ARNT: variants seen among roughly 807,000 people sequenced by gnomAD.
The protein encoded by ARNT is class E basic helix-loop-helix protein 2.
ARNT carries 30 observed loss-of-function variants against 105.0 expected under a neutral mutation model. That is an observed-to-expected ratio of 0.29 (90% CI 0.21 to 0.39). ARNT has a LOEUF of 0.39. Ranked by LOEUF, ARNT falls within the 10% of genes least tolerant of loss-of-function variation. The pLI is 1.00. For missense variants in ARNT, 748 were observed against 978.7 expected, an observed-to-expected ratio of 0.76 and a Z score of 3.15; for synonymous variants, 304 against 344.0, an observed-to-expected ratio of 0.88 and a Z score of 1.29.
intron 3 of ARNT, among the ~76,000 whole-genome samples, chr1:150,849,893 C>T (rs937060251): frequency 6.6e-6 from 1 of 151,934 alleles, no homozygotes; most frequent in Non-Finnish European, 1.5e-5. Context: ...GGTGAAACCC[C>T]GTCTCTACTA....
At chr1:150,871,449 T>C (rs1055744549) in intron 1 of ARNT, among the ~76,000 whole-genome samples, 10 of 150,780 alleles carry the variant, frequency 6.6e-5, no homozygotes, top group African/African-American at 2.2e-4. Flanking sequence ...TACAGGCACC[T>C]GCCACCATGC....
rs587653558 is a variant in ARNT, at chr1:150,827,362, C to T, written c.1168-745G>A. 3.7e-4 allele frequency among the ~76,000 whole-genome samples: 56 copies of T among 152,322 alleles called. 2 individuals are homozygous for T. The South Asian group carries it at 1.0e-2, about 27-fold the overall frequency. ...CCCACTCCAACTCCCCAGCCAACCACAAATCTGCTTTCTGCCTCTCTAGTT... is the reference window on the plus strand; with the variant it reads ...CCCACTCCAACTCCCCAGCCAACCATAAATCTGCTTTCTGCCTCTCTAGTT... On this transcript the variant is annotated intron_variant, in intron 12 of 21. Coordinates refer to ENST00000358595, the MANE Select transcript of ARNT (RefSeq NM_001668.4).
chr1:150,817,486 A>G, intron 15 of ARNT, 53 bp from the exon 16 acceptor site: 1 of 1,548,754 alleles, frequency 6.5e-7, no homozygotes, highest in Non-Finnish European at 8.9e-7. Flanking sequence ...ATTTTTTTTA[A>G]AAAAGAATCT....
intron 3 of ARNT, 38 bp from the exon 4 acceptor site, chr1:150,846,345 C>T: frequency 6.3e-7 from 1 of 1,596,596 alleles, no homozygotes; most frequent in South Asian, 1.1e-5. Context: ...AAGCATTACA[C>T]TTGTTATATC....
At position 150,851,142 on chromosome 1, in the gene ARNT, C is replaced by T. The variant is rs587765798; in HGVS notation, c.182+1620G>A. 2.8e-3 allele frequency among the ~76,000 whole-genome samples: 423 copies of T among 149,414 alleles called. 4 individuals carry two copies. The highest frequency in any genetic ancestry group is 0.01 in the African/African-American group (410 of 40,648). On this transcript the variant is annotated intron_variant, in intron 3 of 21. Transcript: ENST00000358595. ...ATCTCCGCCCGGCAGCCGCCCCGTC[C>T]GGGAGGTGGGGGGCAGCCCCCGCCT...
At position 150,811,455 on chromosome 1, in the gene ARNT, T is replaced by TGC. The variant is rs1404154940; in HGVS notation, c.*564_*565dup. 51 of 117,176 alleles carry TGC rather than the reference T, an allele frequency of 4.4e-4. No individual in the cohort carries two copies. Among genetic ancestry groups the TGC allele is most frequent in the African/African-American group, 2.8e-3 (46 of 16,544 alleles). The allele number at this position is 117,176 out of a possible 1,614,324, so 7.3% of individuals were successfully genotyped here. A position where few individuals can be genotyped will look rare whatever the true frequency, so the allele number is the denominator to read the frequency against. Reference sequence around the variant, plus strand: ...AAAGAGTGAAATACAGAAGCATGTGTGCGCACACACACACACACACACATA... The same window carrying TGC: ...AAAGAGTGAAATACAGAAGCATGTGTGCGCGCACACACACACACACACACATA... On this transcript the variant is annotated 3_prime_UTR_variant, in exon 22 of 22. Coordinates refer to ENST00000358595, the MANE Select transcript of ARNT (RefSeq NM_001668.4).
intron 5 of ARNT, among the ~76,000 whole-genome samples, chr1:150,841,826 G>A (rs1053668576): frequency 6.6e-6 from 1 of 152,172 alleles, no homozygotes; most frequent in African/African-American, 2.4e-5. Context: ...CCTAGTATCT[G>A]ACAGATTTCT....
chr1:150,871,997 C>T (rs1667540245), intron 1 of ARNT, among the ~76,000 whole-genome samples: 2 of 150,730 alleles, frequency 1.3e-5, no homozygotes. Flanking sequence ...CACTCCAACA[C>T]CCAGGCTGGA....
chr1:150,818,866 A>C (rs1656492249), intron 14 of ARNT, among the ~76,000 whole-genome samples: 1 of 152,160 alleles, frequency 6.6e-6, no homozygotes. Context: ...CCTTCAAACA[A>C]CTTAAATTTT....
intron 1 of ARNT, 32 bp from the exon 2 acceptor site, chr1:150,858,492 A>T: frequency 6.7e-7 from 1 of 1,490,508 alleles, no homozygotes; most frequent in Middle Eastern, 1.7e-4. Context: ...AAACATTTTT[A>T]AAAAGACAGT....
intron 12 of ARNT, 31 bp from the exon 13 acceptor site, chr1:150,826,648 AC>A: frequency 6.6e-7 from 1 of 1,516,966 alleles, no homozygotes; most frequent in Non-Finnish European, 9.0e-7. Flanking sequence ...TAAGATATAT[AC>A]TTTTTTTTTT....
At chr1:150,836,158 T>C (rs1425663663) in intron 7 of ARNT, 122 bp downstream of exon 7, 34 of 844,590 alleles carry the variant, frequency 4.0e-5, no homozygotes, top group Non-Finnish European at 4.9e-5. Flanking sequence ...TTCATTAAAG[T>C]AGAAAATTCT....
chr1:150,852,280 G>A (rs1247507152), intron 3 of ARNT, among the ~76,000 whole-genome samples: 1 of 152,140 alleles, frequency 6.6e-6, no homozygotes, highest in Non-Finnish European at 1.5e-5. Flanking sequence ...GGCTTGATAA[G>A]CACTTGCACA....
chr1:150,839,311 C>A lies in ARNT; in HGVS notation c.486+130G>T, dbSNP rs1300737577. 3 of 810,824 alleles carry A rather than the reference C, an allele frequency of 3.7e-6. 1 individual carries two copies. In the African/African-American group the frequency reaches 5.2e-5, roughly 14 times the overall value. 50.2% of individuals were successfully genotyped at this position (810,824 alleles called of 1,614,324 possible). On this transcript the variant is annotated intron_variant, in intron 6 of 21. Coordinates refer to ENST00000358595, the MANE Select transcript of ARNT (RefSeq NM_001668.4). ...GTCCCAATGCTAATTAATGTTATAG[C>A]CAAGGATTGAAATTCGTTTTCCCAT...
chr1:150,859,756 T>C (rs1262443137), intron 1 of ARNT, among the ~76,000 whole-genome samples: 1 of 152,172 alleles, frequency 6.6e-6, no homozygotes, highest in Admixed American at 6.5e-5. Flanking sequence ...ATGCCTGGAA[T>C]CCTAGAGCTT....
chr1:150,836,562 G>A (rs1660365625), intron 6 of ARNT, 69 bp from the exon 7 acceptor site: 1 of 1,475,068 alleles, frequency 6.8e-7, no homozygotes, highest in Admixed American at 2.0e-5. Context: ...TTCACAGGAA[G>A]AAGTAAGACA....
intron 1 of ARNT, among the ~76,000 whole-genome samples, chr1:150,876,327 C>G (rs1422845281): frequency 1.3e-5 from 2 of 152,192 alleles, no homozygotes; most frequent in African/African-American, 4.8e-5. Context: ...CCTCAACTCC[C>G]ACCTGCCCCC....
At chr1:150,858,612 CTTGAT>C in intron 1 of ARNT, 152 bp from the exon 2 acceptor site, 1 of 531,944 alleles carries the variant, frequency 1.9e-6, no homozygotes, top group Non-Finnish European at 3.2e-6. Flanking sequence ...GATTGCTCTT[CTTGAT>C]TTTTTTTTTT....
At chr1:150,842,493 G>A (rs768220766) in intron 4 of ARNT, 25 bp from the exon 5 acceptor site, 48 of 1,519,078 alleles carry the variant, frequency 3.2e-5, no homozygotes, top group Non-Finnish European at 4.3e-5. Context: ...AATGAACTAA[G>A]CTAAAATTAA....
Sources: gnomAD v4.1 joint callset for allele counts (sites outside exome capture counted in the v4.1 genomes callset) on GRCh38, gnomAD v4.1.1 for gene constraint, MANE v1.5 for transcripts, NCBI Gene and HGNC (gene_info 2026-07-23, HGNC 2026-07-21) for gene names.